Variants in SLIT1 observed in about 807,000 individuals in gnomAD.
SLIT1 encodes slit homolog 1 protein.
SLIT1 carries 66 observed loss-of-function variants against 186.1 expected under a neutral mutation model. The ratio of observed to expected loss-of-function variants is 0.35; its 90% CI spans 0.29 to 0.44. The LOEUF (loss-of-function observed/expected upper bound fraction) is 0.44, where lower values mean the gene tolerates loss of function less well. Among genes scored for constraint, SLIT1 ranks in the 20% least tolerant of loss-of-function variants. The probability of loss-of-function intolerance (pLI) is 1.00; values close to 1 mark genes in which losing one functional copy is unlikely to be tolerated. For synonymous variants in SLIT1, 761 were observed against 833.8 expected, an observed-to-expected ratio of 0.91 and a Z score of 1.50; for missense variants, 1,638 against 2,037.4, an observed-to-expected ratio of 0.80 and a Z score of 3.77.
At chr10:97,007,354 C>T (rs77228574) in intron 31 of SLIT1, among the ~76,000 whole-genome samples, 10 of 152,184 alleles carry the variant, frequency 6.6e-5, no homozygotes, top group African/African-American at 2.4e-4. Flanking sequence ...GTGAATTCTA[C>T]CAAACATTTA....
intron 10 of SLIT1, 65 bp from the exon 11 acceptor site, chr10:97,059,596 T>C: frequency 1.6e-6 from 2 of 1,214,416 alleles, no homozygotes; most frequent in Non-Finnish European, 2.4e-6. Flanking sequence ...CCCTGCCCAG[T>C]CCCCTCCACC....
chr10:97,010,717 A>T lies in SLIT1; in HGVS notation c.3341+276T>A, dbSNP rs1383721363. On this transcript the variant is annotated intron_variant, in intron 31 of 36. Coordinates refer to ENST00000266058, the MANE Select transcript of SLIT1 (RefSeq NM_003061.3). This position sits in a 1 kb window ranked among gnomAD's most constrained non-coding sequence, Gnocchi z 4.8. ...AAGACATGTCTTCAGAGGCTCAGGT[A>T]GGCAGGTAAGTGACAGCACACTGCC... Among the ~76,000 whole-genome samples the T allele has an allele frequency of 6.6e-6, 1 of 152,148 alleles. No individual in the cohort carries two copies. Among genetic ancestry groups the T allele is most frequent in the Non-Finnish European group, 1.5e-5 (1 of 68,018 alleles).
chr10:97,019,046 G>A lies in SLIT1; in HGVS notation c.2808C>T (p.Asn936=), dbSNP rs762262573. The change falls in exon 27 of 37, where the codon AAC becomes AAT. Residue 936 remains asparagine (N), a synonymous_variant. Transcript: ENST00000266058. ...GGGGGTCGTTGTGGCAGGTGCCCTGGTTCTGGCACGGACTGGACAAGCAGA... is the reference window on the plus strand; with the variant it reads ...GGGGGTCGTTGTGGCAGGTGCCCTGATTCTGGCACGGACTGGACAAGCAGA... ...CDLCLSSPCQ[N]QGTCHNDPLE... 1 of 1,613,924 alleles carries A rather than the reference G, an allele frequency of 6.2e-7. No individual in the cohort carries two copies. The highest frequency in any genetic ancestry group is 8.5e-7 in the Non-Finnish European group (1 of 1,179,964).
At chr10:97,180,491 G>C (rs150935435) in intron 1 of SLIT1, among the ~76,000 whole-genome samples, 1 of 152,160 alleles carries the variant, frequency 6.6e-6, no homozygotes, top group African/African-American at 2.4e-5. Context: ...ACTAAAACTC[G>C]GGTTTCTGTT....
chr10:97,003,283 G>A (rs564967908), intron 34 of SLIT1, among the ~76,000 whole-genome samples: 17 of 152,336 alleles, frequency 1.1e-4, no homozygotes, highest in East Asian at 5.8e-4. Context: ...GGCTTCCCTC[G>A]CCAAGGCGCC....
At position 97,021,436 on chromosome 10, in the gene SLIT1, C is replaced by T. The variant is rs1475695523; in HGVS notation, c.2583-23G>A. On this transcript the variant is annotated intron_variant, in intron 25 of 36. Coordinates refer to ENST00000266058, the MANE Select transcript of SLIT1 (RefSeq NM_003061.3). This position sits in a 1 kb window ranked among gnomAD's most constrained non-coding sequence, Gnocchi z 4.5. ...GCCCTGAGCAGAAAGCAGAGAGAAG[C>T]AGGCATTACAGCTTCATGGGGTCCC... is the stretch of plus-strand genomic sequence containing the variant. The T allele has an allele frequency of 6.2e-7, 1 of 1,603,760 alleles. No individual in the cohort carries two copies. Among genetic ancestry groups the T allele is most frequent in the Admixed American group, 1.7e-5 (1 of 59,420 alleles).
intron 31 of SLIT1, among the ~76,000 whole-genome samples, chr10:97,007,227 T>A (rs1451374584): frequency 6.6e-6 from 1 of 152,092 alleles, no homozygotes; most frequent in Non-Finnish European, 1.5e-5. Context: ...CACAAATTCC[T>A]AGAAATATGC....
At chr10:97,015,611 G>A (rs1848448432) in intron 28 of SLIT1, among the ~76,000 whole-genome samples, 1 of 152,160 alleles carries the variant, frequency 6.6e-6, no homozygotes, top group African/African-American at 2.4e-5. Context: ...TAAACCAACT[G>A]AGAGAAGAAA....
At chr10:97,163,562 G>A (rs1362827200) in intron 2 of SLIT1, 111 bp from the exon 3 acceptor site, 3 of 872,456 alleles carry the variant, frequency 3.4e-6, no homozygotes, top group Non-Finnish European at 5.8e-6. Flanking sequence ...GCATTAGCAA[G>A]GGAGTAAGAC....
At chr10:97,155,807 A>G (rs1022360475) in intron 4 of SLIT1, among the ~76,000 whole-genome samples, 8 of 152,232 alleles carry the variant, frequency 5.3e-5, no homozygotes, top group African/African-American at 1.9e-4. Context: ...GACCAAGAGA[A>G]AAGACATTCA....
intron 4 of SLIT1, chr10:97,153,236 A>C (rs1418723207): frequency 6.6e-6 from 1 of 152,218 alleles, no homozygotes; most frequent in Non-Finnish European, 1.5e-5. Context: ...ATAGGAAAGA[A>C]ATAGACAGAC....
chr10:97,024,118 G>A (rs559608707), intron 25 of SLIT1, among the ~76,000 whole-genome samples: 3 of 152,120 alleles, frequency 2.0e-5, no homozygotes, highest in African/African-American at 4.8e-5. Context: ...GAATGAGAAT[G>A]GGCACATTTA....
Position 97,004,553 on chromosome 10 carries a change from C to T in SLIT1, c.3710+140G>A. On this transcript the variant is annotated intron_variant, in intron 33 of 36. Transcript: ENST00000266058. The surrounding 1 kb of genome is among the most constrained non-coding windows in gnomAD (Gnocchi z 5.1). ...ACCTCAGCCCCAAGCTGGGGCTAAC[C>T]CAGATGGTTCAAGTGTCCTTCAAAC... 1 of 1,030,702 alleles carries T rather than the reference C, an allele frequency of 9.7e-7. No individual in the cohort carries two copies. Among genetic ancestry groups the T allele is most frequent in the Non-Finnish European group, 1.5e-6 (1 of 686,368 alleles). 63.8% of individuals were successfully genotyped at this position (1,030,702 alleles called of 1,614,324 possible). A position where few individuals can be genotyped will look rare whatever the true frequency, so the allele number is the denominator to read the frequency against.
chr10:97,120,835 C>A (rs1849554498), intron 4 of SLIT1, among the ~76,000 whole-genome samples: 1 of 152,248 alleles, frequency 6.6e-6, no homozygotes, highest in Non-Finnish European at 1.5e-5. Context: ...CTGACTCTCT[C>A]TCCCTACCCT....
chr10:97,064,333 C>A, intron 6 of SLIT1, 94 bp from the exon 7 acceptor site: 1 of 994,292 alleles, frequency 1.0e-6, no homozygotes, highest in Non-Finnish European at 1.6e-6. Flanking sequence ...GGCTCTCGAC[C>A]TTAAAGTGAC....
Position 97,004,507 on chromosome 10 carries a change from G to A in SLIT1, c.3710+186C>T, listed in dbSNP as rs1270712919. Among the ~76,000 whole-genome samples, 1 of 152,128 alleles carries A rather than the reference G, an allele frequency of 6.6e-6. No homozygotes were observed. The highest frequency in any genetic ancestry group is 2.4e-5 in the African/African-American group (1 of 41,440). On this transcript the variant is annotated intron_variant, in intron 33 of 36. Transcript: ENST00000266058. The surrounding 1 kb of genome is among the most constrained non-coding windows in gnomAD (Gnocchi z 5.1). ...TGGTGGTGGGATGGGGAAGGATGGGGCCACTGCACAGGCCTCAGAGACCTC... is the reference window on the plus strand; with the variant it reads ...TGGTGGTGGGATGGGGAAGGATGGGACCACTGCACAGGCCTCAGAGACCTC...
At chr10:97,172,261 A>G (rs2636800) in intron 1 of SLIT1, among the ~76,000 whole-genome samples, 126,636 of 151,976 alleles carry the variant, frequency 0.83, 53,329 homozygotes, top group Non-Finnish European at 0.9. Context: ...GGCCAGGCTG[A>G]TCTCCAACTC....
intron 31 of SLIT1, among the ~76,000 whole-genome samples, chr10:97,008,893 T>G (rs1378090329): frequency 6.6e-6 from 1 of 151,712 alleles, no homozygotes; most frequent in Non-Finnish European, 1.5e-5. Context: ...TTATTATTAT[T>G]TTTTGAGATG....
At chr10:97,080,754 T>C (rs368979861) in intron 4 of SLIT1, among the ~76,000 whole-genome samples, 11 of 152,362 alleles carry the variant, frequency 7.2e-5, no homozygotes, top group African/African-American at 2.6e-4. Flanking sequence ...ATAAATCAAT[T>C]TGACGTATTG....
Sources: gnomAD v4.1 joint callset for allele counts (sites outside exome capture counted in the v4.1 genomes callset) on GRCh38, gnomAD v4.1.1 for gene constraint, Gnocchi (gnomAD v3.1) non-coding constraint, MANE v1.5 for transcripts, NCBI Gene and HGNC (gene_info 2026-07-23, HGNC 2026-07-21) for gene names.